The following RGS7 variants were observed in gnomAD, a reference collection of about 807,000 sequenced individuals.
RGS7 encodes regulator of G protein signaling 7.
RGS7 carries 27 observed loss-of-function variants against 81.1 expected under a neutral mutation model. The ratio of observed to expected loss-of-function variants is 0.33; its 90% CI spans 0.25 to 0.46. RGS7 has a LOEUF of 0.46. Ranked by LOEUF, RGS7 falls within the 20% of genes least tolerant of loss-of-function variation. The pLI, the probability that RGS7 is intolerant of heterozygous loss-of-function variation, is 1.00. For missense variants in RGS7, 396 were observed against 607.4 expected (o/e 0.65, Z 3.66); for synonymous variants, 208 against 207.7 (o/e 1.00, Z -0.01).
intron 2 of RGS7, among the ~76,000 whole-genome samples, chr1:241,204,659 G>C (rs575348845): frequency 6.6e-6 from 1 of 151,530 alleles, no homozygotes; most frequent in African/African-American, 2.4e-5. Flanking sequence ...AGAAACCATT[G>C]TCTCAAGTGT....
intron 2 of RGS7, among the ~76,000 whole-genome samples, chr1:241,239,088 C>T (rs1388773930): frequency 6.6e-6 from 1 of 151,804 alleles, no homozygotes; most frequent in Non-Finnish European, 1.5e-5. Context: ...CCTGCCTCAG[C>T]CTTCTGAGCA....
intron 2 of RGS7, among the ~76,000 whole-genome samples, chr1:241,126,851 T>C (rs2066699738): frequency 6.6e-6 from 1 of 151,750 alleles, no homozygotes; most frequent in South Asian, 2.1e-4. Flanking sequence ...TGCCTAACTA[T>C]AGAAACCAAC....
At chr1:240,885,717 A>T (rs1215011558) in intron 6 of RGS7, among the ~76,000 whole-genome samples, 1 of 152,172 alleles carries the variant, frequency 6.6e-6, no homozygotes, top group Non-Finnish European at 1.5e-5. Flanking sequence ...GGACACGAAG[A>T]GGGGAGCAAC....
intron 3 of RGS7, among the ~76,000 whole-genome samples, chr1:241,097,625 C>T (rs2102878404): frequency 6.6e-6 from 1 of 152,252 alleles, no homozygotes; most frequent in Middle Eastern, 3.4e-3. Flanking sequence ...GCCTTCTTCT[C>T]CCTCCTCGCT....
chr1:241,138,171 C>CAAA (rs1371688780), intron 2 of RGS7, among the ~76,000 whole-genome samples: 1 of 56,640 alleles, frequency 1.8e-5, no homozygotes, highest in African/African-American at 1.4e-4. Flanking sequence ...GACTCCATCT[C>CAAA]AAAAACAAAA....
chr1:240,784,221 A>C (rs1684650870), intron 18 of RGS7, among the ~76,000 whole-genome samples: 2 of 152,050 alleles, frequency 1.3e-5, no homozygotes, highest in African/African-American at 4.8e-5. Flanking sequence ...CAAAACAAAA[A>C]AACACAGTAG....
At chr1:240,872,665 T>C (rs1461666566) in intron 6 of RGS7, among the ~76,000 whole-genome samples, 1 of 152,124 alleles carries the variant, frequency 6.6e-6, no homozygotes, top group Non-Finnish European at 1.5e-5. Flanking sequence ...GCAGAGAGTA[T>C]CAGCATTGGT....
intron 9 of RGS7, among the ~76,000 whole-genome samples, chr1:240,856,924 A>G (rs1661236446): frequency 6.6e-6 from 1 of 152,174 alleles, no homozygotes; most frequent in African/African-American, 2.4e-5. Context: ...GAATCTACCA[A>G]ATAAGACAAA....
At chr1:241,169,421 G>T (rs1204253091) in intron 2 of RGS7, among the ~76,000 whole-genome samples, 2 of 133,092 alleles carry the variant, frequency 1.5e-5, no homozygotes, top group East Asian at 4.6e-4. Flanking sequence ...TTGGGTCACT[G>T]CAACCACTCC....
intron 2 of RGS7, among the ~76,000 whole-genome samples, chr1:241,123,891 C>T (rs2066465477): frequency 6.6e-6 from 1 of 152,228 alleles, no homozygotes; most frequent in Non-Finnish European, 1.5e-5. Context: ...GCTGTCCACC[C>T]TCACCTTAGA....
intron 6 of RGS7, among the ~76,000 whole-genome samples, chr1:240,877,296 TGTAAA>T (rs977136941): frequency 1.0e-3 from 155 of 149,226 alleles, no homozygotes; most frequent in African/African-American, 3.3e-3. Flanking sequence ...TATTTATATA[TGTAAA>T]GTATTTATAT....
chr1:241,330,844 T>C (rs2081938071), intron 2 of RGS7, among the ~76,000 whole-genome samples: 2 of 152,212 alleles, frequency 1.3e-5, no homozygotes, highest in African/African-American at 2.4e-5. Flanking sequence ...TGTTCACTAT[T>C]TGAGTGATGC....
chr1:240,957,615 A>G (rs181169293), intron 4 of RGS7, among the ~76,000 whole-genome samples: 18 of 152,374 alleles, frequency 1.2e-4, no homozygotes, highest in African/African-American at 4.3e-4. Context: ...AAAGGAAATC[A>G]GAAAGTATTG....
intron 4 of RGS7, among the ~76,000 whole-genome samples, chr1:240,961,170 A>G (rs1208066744): frequency 7.9e-5 from 12 of 152,242 alleles, no homozygotes; most frequent in Non-Finnish European, 1.6e-4. Context: ...AGAAAAAAAA[A>G]GAGCAAAGTT....
intron 9 of RGS7, among the ~76,000 whole-genome samples, chr1:240,828,507 G>C (rs947764847): frequency 1.3e-5 from 2 of 152,140 alleles, no homozygotes; most frequent in African/African-American, 4.8e-5. Flanking sequence ...AAAAAACATC[G>C]GCCAGGTGCG....
chr1:240,836,659 C>T (rs1340198409), intron 9 of RGS7, among the ~76,000 whole-genome samples: 1 of 152,208 alleles, frequency 6.6e-6, no homozygotes, highest in African/African-American at 2.4e-5. Flanking sequence ...GGGAATGCAA[C>T]TCTTTATGCA....
chr1:240,786,998 C>T lies in RGS7; in HGVS notation c.*7-10785G>A, dbSNP rs116330283. On this transcript the variant is annotated intron_variant, in intron 18 of 18. Transcript: ENST00000440928. The stretch of plus-strand genomic sequence containing the variant: ...AAGTGAGAGATTTTTGACCTTCTGG[C>T]ACATTCTGTCAAATTCTATTCGACA... Among the ~76,000 whole-genome samples the T allele has an allele frequency of 6.3e-3, 961 of 152,164 alleles. 10 individuals carry two copies. The highest frequency in any genetic ancestry group is 0.022 in the African/African-American group (920 of 41,524).
chr1:241,153,878 G>A (rs1031349118), intron 2 of RGS7, among the ~76,000 whole-genome samples: 3 of 152,212 alleles, frequency 2.0e-5, no homozygotes, highest in Non-Finnish European at 4.4e-5. Flanking sequence ...TTGAACGTGA[G>A]GAGGATGGGA....
intron 3 of RGS7, among the ~76,000 whole-genome samples, chr1:240,991,351 T>C (rs115257956): frequency 3.9e-4 from 60 of 152,212 alleles, no homozygotes; most frequent in African/African-American, 1.3e-3. Context: ...AAGATGACAA[T>C]AATGAGGAGA....
Sources: allele counts gnomAD v4.1 joint callset (sites outside exome capture counted in the v4.1 genomes callset), GRCh38; gene constraint gnomAD v4.1.1; transcripts MANE v1.5; gene names NCBI Gene and HGNC (gene_info 2026-07-23, HGNC 2026-07-21).